PSEN2: variants seen among roughly 807,000 people sequenced by gnomAD.
PSEN2 encodes the protein presenilin-2.
In PSEN2, 32 loss-of-function variants were observed where a neutral mutation model predicts 49.1. That is an observed-to-expected ratio of 0.65 (90% CI 0.49 to 0.88). The LOEUF is 0.88. Ranked by LOEUF, PSEN2 falls within the 40% of genes least tolerant of loss-of-function variation. The pLI is 0.00. For synonymous variants in PSEN2, 255 were observed against 244.0 expected, an observed-to-expected ratio of 1.05 and a Z score of -0.42; for missense variants, 522 against 586.9, an observed-to-expected ratio of 0.89 and a Z score of 1.14.
intron 5 of PSEN2, 129 bp downstream of exon 5, chr1:226,884,048 A>G: frequency 1.2e-6 from 1 of 800,484 alleles, no homozygotes; most frequent in East Asian, 2.7e-5. Context: ...GCAGGGATGA[A>G]GAACCGCCCA....
At chr1:226,885,817 AC>A in intron 6 of PSEN2, 138 bp downstream of exon 6, 1 of 921,328 alleles carries the variant, frequency 1.1e-6, no homozygotes, top group Non-Finnish European at 1.7e-6. Context: ...ACTCCTCCCC[AC>A]CCCATCCTGT....
At chr1:226,880,798 C>G (rs1022178207) in intron 3 of PSEN2, 1 of 1,602,422 alleles carries the variant, frequency 6.2e-7, no homozygotes, top group Non-Finnish European at 8.5e-7. Context: ...AGGCTTCCCT[C>G]CTGTCCCCTT....
At chr1:226,876,533 G>A (rs1660637776) in intron 3 of PSEN2, among the ~76,000 whole-genome samples, 1 of 152,124 alleles carries the variant, frequency 6.6e-6, no homozygotes, top group Non-Finnish European at 1.5e-5. Flanking sequence ...GTTTATTATG[G>A]CGACTTAGAG....
chr1:226,894,865 C>A (rs1013130911), intron 12 of PSEN2, among the ~76,000 whole-genome samples: 10 of 152,186 alleles, frequency 6.6e-5, no homozygotes, highest in Admixed American at 6.5e-4. Context: ...GGCTCCTCCA[C>A]CACCAGACTG....
chr1:226,886,736 C>T (rs892244330), intron 6 of PSEN2, among the ~76,000 whole-genome samples: 4 of 152,148 alleles, frequency 2.6e-5, no homozygotes, highest in African/African-American at 9.7e-5. Flanking sequence ...AGCCCCCTTC[C>T]AGCGGGGGCA....
chr1:226,894,436 C>T (rs1410170492), intron 12 of PSEN2, among the ~76,000 whole-genome samples: 2 of 152,222 alleles, frequency 1.3e-5, no homozygotes, highest in African/African-American at 4.8e-5. Flanking sequence ...AGTGATGATA[C>T]CCTCGAGGTG....
chr1:226,886,145 T>C (rs1459101383), intron 6 of PSEN2, among the ~76,000 whole-genome samples: 2 of 152,082 alleles, frequency 1.3e-5, no homozygotes, highest in African/African-American at 4.8e-5. Context: ...TGGGATTACA[T>C]GTGTGAGCCA....
chr1:226,893,899 G>GTGGGC (rs747539555), intron 11 of PSEN2, 108 bp from the exon 12 acceptor site: 20 of 934,582 alleles, frequency 2.1e-5, no homozygotes, highest in African/African-American at 4.9e-5. Context: ...GCCAGGTGGG[G>GTGGGC]TGGGCTGGGC....
intron 11 of PSEN2, among the ~76,000 whole-genome samples, chr1:226,893,151 G>T (rs1354714827): frequency 6.6e-6 from 1 of 152,190 alleles, no homozygotes; most frequent in Admixed American, 6.5e-5. Context: ...GGCTGGTTTC[G>T]AACTCCTGGG....
rs1333749158 is a variant in PSEN2, at chr1:226,895,606, G to C, written c.*27G>C. 1 of 1,600,480 alleles carries C rather than the reference G, an allele frequency of 6.2e-7. No individual in the cohort carries two copies. Among genetic ancestry groups the C allele is most frequent in the East Asian group, 2.3e-5 (1 of 44,372 alleles). ...GGACATGGTGTGCCACAGGCTGCAA[G>C]CTGCAGGGAATTTTCATTGGATGCA... On this transcript the variant is annotated 3_prime_UTR_variant, in exon 13 of 13. Transcript: ENST00000366783.
At chr1:226,872,557 A>C (rs185211228) in intron 2 of PSEN2, among the ~76,000 whole-genome samples, 1 of 152,304 alleles carries the variant, frequency 6.6e-6, no homozygotes, top group East Asian at 1.9e-4. Flanking sequence ...TACTGCTGGG[A>C]AAGTTTTGTG....
intron 9 of PSEN2, 85 bp from the exon 10 acceptor site, chr1:226,891,193 G>C (rs1258133317): frequency 6.1e-5 from 72 of 1,180,060 alleles, no homozygotes; most frequent in Non-Finnish European, 8.6e-5. Flanking sequence ...AGGCTTTCTG[G>C]GACGCAGACT....
At chr1:226,884,060 G>A in intron 5 of PSEN2, 141 bp downstream of exon 5, 1 of 733,242 alleles carries the variant, frequency 1.4e-6, no homozygotes, top group Non-Finnish European at 2.3e-6. Flanking sequence ...AACCGCCCAG[G>A]TTCATGGCCT....
intron 3 of PSEN2, among the ~76,000 whole-genome samples, chr1:226,881,659 G>A (rs923328172): frequency 1.1e-4 from 17 of 152,280 alleles, no homozygotes; most frequent in South Asian, 2.1e-4. Context: ...TTTGCCCCCT[G>A]GGATGTGAGT....
rs192827066 is a variant in PSEN2 at position 226,878,241 on chromosome 1, A to C, written c.-21+2691A>C. On this transcript the variant is annotated intron_variant, in intron 3 of 12. Coordinates refer to ENST00000366783, the MANE Select transcript of PSEN2 (RefSeq NM_000447.3). ...ATTACAGGTGCCTGCCACCATGTCC[A>C]GCTAATTTTTGTATTTTTATTAGAG... 2.3e-3 allele frequency among the ~76,000 whole-genome samples: 356 copies of C among 152,058 alleles called. 13 individuals carry two copies. Among genetic ancestry groups the C allele is most frequent in the Admixed American group, 0.02 (308 of 15,262 alleles).
At chr1:226,901,509 C>T (rs796760777), downstream of PSEN2, among the ~76,000 whole-genome samples, 7 of 151,494 alleles carry the variant, frequency 4.6e-5, no homozygotes, top group African/African-American at 9.7e-5. Flanking sequence ...ATCACTTGAG[C>T]CCAGGAGTTT....
rs1036103304 is a variant in PSEN2, at chr1:226,891,957, T to A, written c.1072+113T>A. ...AGGGCATGAGGGGAGGGGCCCCTTT[T>A]CCCATCAGAGGCATCTCTGTGAAAG... is the stretch of plus-strand genomic sequence containing the variant. On this transcript the variant is annotated intron_variant, in intron 11 of 12. Coordinates refer to ENST00000366783, the MANE Select transcript of PSEN2 (RefSeq NM_000447.3). The A allele has an allele frequency of 3.4e-6, 3 of 883,388 alleles. No homozygotes were observed. In the African/African-American group the frequency reaches 5.0e-5, roughly 15 times the overall value. The allele number at this position is 883,388 out of a possible 1,614,324, so 54.7% of individuals were successfully genotyped here.
chr1:226,895,304 C>G, intron 12 of PSEN2, 120 bp from the exon 13 acceptor site: 1 of 1,131,164 alleles, frequency 8.8e-7, no homozygotes, highest in Non-Finnish European at 1.3e-6. Flanking sequence ...AATGGGGTGT[C>G]TAGCGCCGTT....
In PSEN2 at chr1:226,891,174, G is replaced by A. The variant is rs114076393; in HGVS notation, c.887-104G>A. The A allele has an allele frequency of 5.9e-3, 5,509 of 926,734 alleles. 33 individuals are homozygous for A. Among genetic ancestry groups the A allele is most frequent in the Middle Eastern group, 0.014 (45 of 3,316 alleles). The allele number at this position is 926,734 out of a possible 1,614,324, so 57.4% of individuals were successfully genotyped here. ...TGAGCAGATACCTGCAGGATGGAGG[G>A]TCCTGTGCAGGCTTTCTGGGACGCA... On this transcript the variant is annotated intron_variant, in intron 9 of 12. Coordinates refer to ENST00000366783, the MANE Select transcript of PSEN2 (RefSeq NM_000447.3).
Sources: allele counts gnomAD v4.1 joint callset (sites outside exome capture counted in the v4.1 genomes callset), GRCh38; gene constraint gnomAD v4.1.1; transcripts MANE v1.5; gene names NCBI Gene and HGNC (gene_info 2026-07-23, HGNC 2026-07-21).